Variants in PDS5A observed in about 807,000 individuals in gnomAD.
The protein encoded by PDS5A is PDS5 cohesin associated factor A.
In PDS5A, 42 loss-of-function variants were observed where a neutral mutation model predicts 167.1. That is an observed-to-expected ratio of 0.25 (90% CI 0.20 to 0.33). PDS5A has a LOEUF of 0.33. Ranked by LOEUF, PDS5A falls within the 10% of genes least tolerant of loss-of-function variation. PDS5A has a pLI of 1.00. For missense variants in PDS5A, 1,033 were observed against 1,605.9 expected, an observed-to-expected ratio of 0.64 and a Z score of 6.10; for synonymous variants, 553 against 554.6, an observed-to-expected ratio of 1.00 and a Z score of 0.04.
chr4:39,936,027 C>T (rs777328580), intron 2 of PDS5A, among the ~76,000 whole-genome samples: 2 of 151,954 alleles, frequency 1.3e-5, no homozygotes, highest in African/African-American at 2.4e-5. Flanking sequence ...ACTTCTAATT[C>T]GCGATAAAAG....
chr4:39,926,612 A>C (rs1725494498), intron 4 of PDS5A, among the ~76,000 whole-genome samples, 163 bp downstream of exon 4: 1 of 151,960 alleles, frequency 6.6e-6, no homozygotes, highest in Non-Finnish European at 1.5e-5. Context: ...TCTCTTCAGG[A>C]TAGGAAGAAA....
chr4:39,838,470 G>A (rs143971065), intron 31 of PDS5A, among the ~76,000 whole-genome samples: 1 of 150,602 alleles, frequency 6.6e-6, no homozygotes, highest in East Asian at 2.0e-4. Flanking sequence ...GCCTGTAATC[G>A]CAGCACTTTA....
intron 2 of PDS5A, chr4:39,973,782 G>A (rs763902110): frequency 7.8e-5 from 99 of 1,273,798 alleles, no homozygotes; most frequent in Admixed American, 3.4e-4. Context: ...ACCCCTACCA[G>A]CCAGCACCTC....
At chr4:39,924,013 A>T (rs1350430443) in intron 5 of PDS5A, among the ~76,000 whole-genome samples, 2 of 152,174 alleles carry the variant, frequency 1.3e-5, no homozygotes, top group Non-Finnish European at 1.5e-5. Context: ...TTTCAAACAG[A>T]CAAATGAAAA....
chr4:39,943,699 C>T (rs529322582), intron 2 of PDS5A, among the ~76,000 whole-genome samples: 15 of 151,278 alleles, frequency 9.9e-5, no homozygotes, highest in African/African-American at 3.6e-4. Flanking sequence ...CCCAGCAACT[C>T]GGGGGGCTGA....
chr4:39,929,531 A>C (rs915519304), intron 2 of PDS5A, among the ~76,000 whole-genome samples: 1,582 of 69,810 alleles, frequency 0.023, 56 homozygotes, highest in East Asian at 0.043. Flanking sequence ...ATATATATAT[A>C]TATATATATA....
intron 2 of PDS5A, among the ~76,000 whole-genome samples, chr4:39,929,034 T>TC (rs1360985962): frequency 6.6e-6 from 1 of 152,026 alleles, no homozygotes; most frequent in African/African-American, 2.4e-5. Context: ...GTGTACTTTA[T>TC]GCTGGCCTGT....
rs1453389059 is a variant in PDS5A at position 39,842,092 on chromosome 4, C to T, written c.3549-36G>A. 2.3e-6 allele frequency: 3 copies of T among 1,323,788 alleles called. No individual in the cohort carries two copies. In the African/African-American group the frequency reaches 4.3e-5, roughly 19 times the overall value. The allele number at this position is 1,323,788 out of a possible 1,614,324, so 82.0% of individuals were successfully genotyped here. A position where few individuals can be genotyped will look rare whatever the true frequency, so the allele number is the denominator to read the frequency against. ...CAAATAAACCAAGACTTCATATTTC[C>T]ATGAAGAGAAAGTTCACTCTCTCAC... On this transcript the variant is annotated intron_variant, in intron 30 of 32. Coordinates refer to ENST00000303538, the MANE Select transcript of PDS5A (RefSeq NM_001100399.2).
At chr4:39,914,307 G>A (rs375003089) in intron 8 of PDS5A, among the ~76,000 whole-genome samples, 7 of 151,596 alleles carry the variant, frequency 4.6e-5, no homozygotes, top group African/African-American at 1.2e-4. Flanking sequence ...GATTACAGGC[G>A]CCCACCACCG....
At chr4:39,887,747 C>T (rs946776349) in intron 17 of PDS5A, among the ~76,000 whole-genome samples, 1 of 152,092 alleles carries the variant, frequency 6.6e-6, no homozygotes, top group African/African-American at 2.4e-5. Context: ...TAAAATGGTT[C>T]TGCACAGCTA....
At chr4:39,938,952 C>G (rs6531750) in intron 2 of PDS5A, among the ~76,000 whole-genome samples, 144,799 of 152,048 alleles carry the variant, frequency 0.95, 68,965 homozygotes, top group East Asian at 0.99. Context: ...CCTGGCAACA[C>G]AGCGAGACTC....
chr4:39,828,328 G>C (rs891688726), intron 32 of PDS5A, among the ~76,000 whole-genome samples: 2 of 152,178 alleles, frequency 1.3e-5, no homozygotes, highest in Non-Finnish European at 2.9e-5. Context: ...ACTGAGGCCA[G>C]GAGAATTTTG....
intron 13 of PDS5A, among the ~76,000 whole-genome samples, chr4:39,900,961 A>C (rs535978691): frequency 6.6e-6 from 1 of 152,250 alleles, no homozygotes; most frequent in Non-Finnish European, 1.5e-5. Flanking sequence ...GAAGCACTAT[A>C]GACTATTTTG....
At chr4:39,969,011 G>T (rs1452970792) in intron 2 of PDS5A, among the ~76,000 whole-genome samples, 1 of 152,188 alleles carries the variant, frequency 6.6e-6, no homozygotes, top group Non-Finnish European at 1.5e-5. Flanking sequence ...CTGACCTCAG[G>T]TGATCCGCCC....
intron 22 of PDS5A, chr4:39,868,678 C>A (rs1215118713): frequency 2.2e-6 from 1 of 449,472 alleles, no homozygotes; most frequent in Non-Finnish European, 4.4e-6. Context: ...ACTATGCTGC[C>A]CAGGTTGGTC....
chr4:39,874,441 T>C (rs371743534), intron 19 of PDS5A, 29 bp from the exon 20 acceptor site: 25 of 1,596,944 alleles, frequency 1.6e-5, no homozygotes, highest in Non-Finnish European at 2.1e-5. Context: ...TTGTTTTTTT[T>C]TCTTAAACCC....
chr4:39,854,429 T>A (rs1718367598), intron 26 of PDS5A, among the ~76,000 whole-genome samples: 1 of 152,224 alleles, frequency 6.6e-6, no homozygotes, highest in Non-Finnish European at 1.5e-5. Flanking sequence ...GTTAGCTGGT[T>A]CCTGATCATT....
chr4:39,958,506 CAA>C (rs370128527), intron 2 of PDS5A, among the ~76,000 whole-genome samples: 18 of 80,346 alleles, frequency 2.2e-4, no homozygotes, highest in Admixed American at 4.3e-4. Flanking sequence ...AACTGTGTCT[CAA>C]AAAAAAAAAA....
chr4:39,920,476 T>A, intron 6 of PDS5A, 77 bp from the exon 7 acceptor site: 1 of 608,482 alleles, frequency 1.6e-6, no homozygotes, highest in Non-Finnish European at 2.9e-6. Flanking sequence ...TACTGTAGTC[T>A]TCAAATCTGT....
Sources: gnomAD v4.1 joint callset for allele counts (sites outside exome capture counted in the v4.1 genomes callset) on GRCh38, gnomAD v4.1.1 for gene constraint, MANE v1.5 for transcripts, NCBI Gene and HGNC (gene_info 2026-07-23, HGNC 2026-07-21) for gene names.